FBXO21: variants seen among roughly 807,000 people sequenced by gnomAD.
The protein encoded by FBXO21 is F-box protein 21, also known as F-box only protein 21.
FBXO21 carries 32 observed loss-of-function variants against 76.6 expected under a neutral mutation model. The ratio of observed to expected loss-of-function variants is 0.42; its 90% CI spans 0.32 to 0.56. The LOEUF is 0.56. Ranked by LOEUF, FBXO21 falls within the 20% of genes least tolerant of loss-of-function variation. The probability of loss-of-function intolerance (pLI) is 0.16; values close to 1 mark genes in which losing one functional copy is unlikely to be tolerated. For synonymous variants in FBXO21, 328 were observed against 311.5 expected (o/e 1.05, Z -0.56); for missense variants, 586 against 797.3 (o/e 0.73, Z 3.19).
intron 3 of FBXO21, among the ~76,000 whole-genome samples, chr12:117,182,610 T>C (rs530036460): frequency 1.5e-4 from 20 of 129,198 alleles, no homozygotes; most frequent in African/African-American, 5.7e-4. Flanking sequence ...TCGCCCAGGC[T>C]GGAGTGCAGT....
At chr12:117,167,273 A>G (rs2135865604) in intron 7 of FBXO21, among the ~76,000 whole-genome samples, 196 bp from the exon 8 acceptor site, 1 of 152,296 alleles carries the variant, frequency 6.6e-6, no homozygotes, top group East Asian at 1.9e-4. Flanking sequence ...CATTTAAGAA[A>G]CAGCACCAAT....
chr12:117,163,709 G>A (rs930391304), intron 9 of FBXO21, among the ~76,000 whole-genome samples: 21 of 151,280 alleles, frequency 1.4e-4, no homozygotes, highest in African/African-American at 5.1e-4. Flanking sequence ...TTGGGAGGCC[G>A]AGGAACGCAG....
At chr12:117,163,400 G>A (rs927626636) in intron 9 of FBXO21, among the ~76,000 whole-genome samples, 1 of 152,074 alleles carries the variant, frequency 6.6e-6, no homozygotes, top group Non-Finnish European at 1.5e-5. Flanking sequence ...AGACGTGGTG[G>A]CACGTGTCTG....
At chr12:117,172,755 G>A in intron 6 of FBXO21, 148 bp from the exon 7 acceptor site, 1 of 770,950 alleles carries the variant, frequency 1.3e-6, no homozygotes, top group Non-Finnish European at 2.0e-6. Flanking sequence ...TTAGGTCAGG[G>A]GTGGGTAAAC....
At chr12:117,150,956 T>TTTTGTGTG (rs1461843192) in intron 11 of FBXO21, among the ~76,000 whole-genome samples, 1 of 94,652 alleles carries the variant, frequency 1.1e-5, no homozygotes, top group Non-Finnish European at 2.1e-5. Flanking sequence ...TCAAATAAGT[T>TTTTGTGTG]TGTGTGTGTG....
At chr12:117,183,201 ATCT>A (rs749620816) in intron 3 of FBXO21, among the ~76,000 whole-genome samples, 2 of 151,770 alleles carry the variant, frequency 1.3e-5, no homozygotes, top group Non-Finnish European at 2.9e-5. Context: ...ATGCATTTTC[ATCT>A]TTTTTGGGAA....
intron 4 of FBXO21, among the ~76,000 whole-genome samples, chr12:117,176,604 G>GT (rs914297100): frequency 8.3e-5 from 12 of 145,192 alleles, no homozygotes; most frequent in Admixed American, 8.0e-4. Flanking sequence ...TTGGAGGGAA[G>GT]GGGGGGTAAT....
chr12:117,157,893 C>A lies in FBXO21; in HGVS notation c.1497G>T (p.Gly499=). ...CTCACCTCTTATGCTTCATAATGAG[C>A]CCGATGGAGTAGCAGACATCTCTGT... ...EKHRDVCYSI[G]LIMKHKRYGY... is the part of the protein sequence containing the mutation. The change falls in exon 10 of 12, where the codon GGG becomes GGT. Residue 499 remains glycine (G), a synonymous_variant. Coordinates refer to ENST00000622495, the MANE Select transcript of FBXO21 (RefSeq NM_015002.3). 6.2e-7 allele frequency: 1 copy of A among 1,609,260 alleles called. No individual in the cohort carries two copies. Among genetic ancestry groups the A allele is most frequent in the Non-Finnish European group, 8.5e-7 (1 of 1,176,636 alleles).
At chr12:117,157,745 C>A (rs148049407) in intron 10 of FBXO21, 128 bp downstream of exon 10, 1 of 678,242 alleles carries the variant, frequency 1.5e-6, no homozygotes, top group Non-Finnish European at 2.3e-6. Flanking sequence ...CCCCGCGGTG[C>A]GCACTCGGGG....
intron 5 of FBXO21, 87 bp from the exon 6 acceptor site, chr12:117,174,428 C>A: frequency 7.0e-7 from 1 of 1,427,400 alleles, no homozygotes; most frequent in Non-Finnish European, 9.8e-7. Context: ...AAGACATTGG[C>A]AATGGCCTAA....
rs1392099937 is a variant in FBXO21, at chr12:117,165,562, C to A, written c.1249G>T (p.Ala417Ser). Reference protein sequence around the residue: ...LLRDSLDLYLAMYPDQVQLLL... With the variant: ...LLRDSLDLYLSMYPDQVQLLL... ...AGCTGCACCTGGTCCGGGTACATTG[C>A]CAGATAGAGATCCAGCGAGTCTCTC... The change falls in exon 9 of 12, where the codon GCA (alanine) becomes TCA (serine). Residue 417 changes from alanine to serine, a missense_variant. By Grantham distance (99) the Ala-to-Ser change is moderately conservative. Around this residue, in one of 6 missense-constraint regions of FBXO21, gnomAD observed 14 missense variants for 18.3 expected, o/e 0.76. Coordinates refer to ENST00000622495, the MANE Select transcript of FBXO21 (RefSeq NM_015002.3). The A allele has an allele frequency of 2.5e-6, 4 of 1,613,702 alleles. No homozygotes were observed.
intron 3 of FBXO21, among the ~76,000 whole-genome samples, chr12:117,181,293 G>A (rs1197131556): frequency 1.3e-5 from 2 of 152,098 alleles, no homozygotes; most frequent in African/African-American, 4.8e-5. Flanking sequence ...AAAATCCTTG[G>A]TTGACATTTC....
At chr12:117,169,339 C>T (rs947101749) in intron 7 of FBXO21, among the ~76,000 whole-genome samples, 3 of 151,710 alleles carry the variant, frequency 2.0e-5, no homozygotes, top group East Asian at 1.9e-4. Context: ...CGGTGGGAGA[C>T]GATAAGGAAA....
chr12:117,182,564 C>CTTTTTTTTTTT (rs891529583), intron 3 of FBXO21, among the ~76,000 whole-genome samples: 1 of 83,338 alleles, frequency 1.2e-5, no homozygotes, highest in Non-Finnish European at 2.1e-5. Context: ...GCAAGAGGAT[C>CTTTTTTTTTTT]TTTTTTTTTT....
chr12:117,150,496 A>T (rs1444823392), intron 11 of FBXO21, among the ~76,000 whole-genome samples: 1 of 152,236 alleles, frequency 6.6e-6, no homozygotes, highest in Admixed American at 6.5e-5. Context: ...AGTATACTTA[A>T]AATTTAGTAC....
At chr12:117,165,451 A>C in intron 9 of FBXO21, 34 bp downstream of exon 9, 1 of 1,598,678 alleles carries the variant, frequency 6.3e-7, no homozygotes, top group African/African-American at 1.3e-5. Flanking sequence ...TCCCTTTCTA[A>C]GGCAAGTGCA....
Position 117,146,236 on chromosome 12 carries a change from G to A in FBXO21, c.1717C>T (p.Pro573Ser). 6.2e-7 allele frequency: 1 copy of A among 1,611,544 alleles called. No homozygotes were observed. The change falls in exon 12 of 12, where the codon CCT becomes TCT. Residue 573 changes from proline (P) to serine (S), a missense_variant. Around this residue, in one of 6 missense-constraint regions of FBXO21, gnomAD observed 164 missense variants for 236.7 expected, o/e 0.69. Coordinates refer to ENST00000622495, the MANE Select transcript of FBXO21 (RefSeq NM_015002.3). The part of the protein sequence containing the change: ...YNVEPQEISH[P>S]DVGRYFSEFT... ...TCTGAGAAATAGCGTCCCACGTCAGGGTGTGAGATTTCTTGAGGCTCCACG... is the reference window on the plus strand; with the variant it reads ...TCTGAGAAATAGCGTCCCACGTCAGAGTGTGAGATTTCTTGAGGCTCCACG...
intron 9 of FBXO21, among the ~76,000 whole-genome samples, chr12:117,165,180 G>A (rs1417045910): frequency 2.6e-5 from 4 of 152,168 alleles, no homozygotes; most frequent in Non-Finnish European, 2.9e-5. Flanking sequence ...TTCCCTTGCT[G>A]AGTGAGGGTG....
intron 11 of FBXO21, among the ~76,000 whole-genome samples, chr12:117,151,942 C>T (rs996209694): frequency 2.6e-5 from 4 of 152,172 alleles, no homozygotes; most frequent in Non-Finnish European, 5.9e-5. Context: ...AGAGTGACCA[C>T]GTGGATTTCT....
Sources: gnomAD v4.1 joint callset for allele counts (sites outside exome capture counted in the v4.1 genomes callset) on GRCh38, gnomAD v4.1.1 for gene constraint, gnomAD v4.1.1 regional missense constraint, MANE v1.5 for transcripts, NCBI Gene and HGNC (gene_info 2026-07-23, HGNC 2026-07-21) for gene names.